The following ETV6 variants were observed in gnomAD, a reference collection of about 807,000 sequenced individuals.
ETV6 encodes ETS variant transcription factor 6.
A neutral mutation model predicts 51.1 loss-of-function variants in ETV6; 16 were observed. That is an observed-to-expected ratio of 0.31 (90% CI 0.21 to 0.48). The LOEUF (loss-of-function observed/expected upper bound fraction) is 0.48, where lower values mean the gene tolerates loss of function less well. ETV6 is among the 20% of genes least tolerant of loss of function. The pLI, the probability that ETV6 is intolerant of heterozygous loss-of-function variation, is 0.99. For missense variants in ETV6, 458 were observed against 594.8 expected (o/e 0.77, Z 2.39); for synonymous variants, 240 against 224.1 (o/e 1.07, Z -0.64).
chr12:11,798,309 C>T (rs1945705362), intron 2 of ETV6, among the ~76,000 whole-genome samples: 2 of 152,080 alleles, frequency 1.3e-5, no homozygotes, highest in African/African-American at 4.8e-5. Context: ...TGGTGGGCAG[C>T]CATTGAAGGA....
intron 1 of ETV6, among the ~76,000 whole-genome samples, chr12:11,698,208 G>A (rs192557373): frequency 3.6e-4 from 55 of 152,292 alleles, no homozygotes; most frequent in Admixed American, 5.9e-4. Flanking sequence ...ATAGAAATAC[G>A]TGTGTATTTT....
intron 2 of ETV6, among the ~76,000 whole-genome samples, chr12:11,827,196 C>T (rs567973390): frequency 2.7e-4 from 41 of 151,884 alleles, no homozygotes; most frequent in African/African-American, 6.5e-4. Context: ...GCGTCAGCAA[C>T]GCTGTTAAAA....
At chr12:11,796,762 TTTTC>T (rs992917452) in intron 2 of ETV6, among the ~76,000 whole-genome samples, 1 of 108,804 alleles carries the variant, frequency 9.2e-6, no homozygotes, top group African/African-American at 3.4e-5. Flanking sequence ...AATTTCTTCC[TTTTC>T]TTTTTTTTTT....
At chr12:11,881,738 T>A (rs1452592355) in intron 5 of ETV6, among the ~76,000 whole-genome samples, 1 of 152,236 alleles carries the variant, frequency 6.6e-6, no homozygotes, top group East Asian at 1.9e-4. Flanking sequence ...GATCTCTATT[T>A]TCCCTTTATA....
intron 2 of ETV6, among the ~76,000 whole-genome samples, chr12:11,821,930 A>G (rs1258570162): frequency 1.3e-5 from 2 of 152,026 alleles, no homozygotes; most frequent in African/African-American, 2.4e-5. Flanking sequence ...TCACGTCCTA[A>G]TCCTACTGAA....
In ETV6 at chr12:11,809,038, G is replaced by A. The variant is rs149303368; in HGVS notation, c.164-30102G>A. 3.9e-5 allele frequency among the ~76,000 whole-genome samples: 6 copies of A among 152,112 alleles called. No individual in the cohort carries two copies. In the East Asian group the frequency reaches 5.8e-4, roughly 15 times the overall value. ...AAATTAGCTGGGTGTGATGGCACGC[G>A]CCTGTAGTCCCAGCTTCTTGGGAGG... On this transcript the variant is annotated intron_variant, in intron 2 of 7. Transcript: ENST00000396373.
chr12:11,761,257 C>T (rs1394081321), intron 2 of ETV6, among the ~76,000 whole-genome samples: 1 of 151,990 alleles, frequency 6.6e-6, no homozygotes, highest in African/African-American at 2.4e-5. Context: ...AAATTACTGA[C>T]AAGAGGGCCC....
chr12:11,743,675 T>C lies in ETV6; in HGVS notation c.34-8775T>C, dbSNP rs904463299. Among the ~76,000 whole-genome samples, 4 of 152,200 alleles carry C rather than the reference T, an allele frequency of 2.6e-5. No homozygotes were observed. The East Asian group carries it at 7.7e-4, about 29-fold the overall frequency. On this transcript the variant is annotated intron_variant, in intron 1 of 7. Transcript: ENST00000396373. ...AAAACCTCAAGTTTCTTATTAGGCA[T>C]GTGTGGTCCATTTAAGCTCTAGACA...
intron 2 of ETV6, among the ~76,000 whole-genome samples, chr12:11,760,552 T>C (rs1945069750): frequency 6.6e-6 from 1 of 152,188 alleles, no homozygotes; most frequent in South Asian, 2.1e-4. Flanking sequence ...ACAATACTTT[T>C]TTAAAAGCAC....
chr12:11,656,220 A>C (rs185223797), intron 1 of ETV6, among the ~76,000 whole-genome samples: 1 of 152,334 alleles, frequency 6.6e-6, no homozygotes, highest in African/African-American at 2.4e-5. Context: ...TGAAGCCCAG[A>C]GAGGTTAAGT....
chr12:11,709,023 G>T (rs569040392), intron 1 of ETV6, among the ~76,000 whole-genome samples: 1 of 152,304 alleles, frequency 6.6e-6, no homozygotes, highest in South Asian at 2.1e-4. Flanking sequence ...GTGGTCAGGG[G>T]AGGCTGCATT....
chr12:11,796,815 C>G (rs1301316943), intron 2 of ETV6, among the ~76,000 whole-genome samples: 2 of 144,268 alleles, frequency 1.4e-5, no homozygotes, highest in Non-Finnish European at 3.0e-5. Flanking sequence ...GACACAGGTT[C>G]TCTCTCTGTC....
chr12:11,725,002 T>C (rs762187314), intron 1 of ETV6, among the ~76,000 whole-genome samples: 3 of 152,120 alleles, frequency 2.0e-5, no homozygotes, highest in Non-Finnish European at 4.4e-5. Flanking sequence ...AAGTGTATAG[T>C]TTTATGACTG....
chr12:11,758,445 C>A (rs552573732), intron 2 of ETV6, among the ~76,000 whole-genome samples: 4 of 152,120 alleles, frequency 2.6e-5, no homozygotes, highest in African/African-American at 9.7e-5. Flanking sequence ...AAAGAAAGGA[C>A]CTAGGGTTCT....
intron 1 of ETV6, among the ~76,000 whole-genome samples, chr12:11,653,852 C>T (rs550205122): frequency 9.2e-5 from 14 of 152,118 alleles, no homozygotes; most frequent in Non-Finnish European, 1.0e-4. Context: ...CTCGCTCTGT[C>T]GCCAGACTGG....
At chr12:11,819,997 T>G (rs995496030) in intron 2 of ETV6, among the ~76,000 whole-genome samples, 11 of 152,232 alleles carry the variant, frequency 7.2e-5, no homozygotes, top group Admixed American at 6.5e-4. Context: ...TCCAAGGCCT[T>G]CCTAATAATA....
intron 2 of ETV6, among the ~76,000 whole-genome samples, chr12:11,765,574 A>G (rs558516609): frequency 4.6e-5 from 7 of 151,948 alleles, no homozygotes; most frequent in Admixed American, 4.6e-4. Context: ...ACTGTATCTT[A>G]TTCACTTCAG....
chr12:11,722,591 C>G (rs1471597158), intron 1 of ETV6, among the ~76,000 whole-genome samples: 1 of 152,162 alleles, frequency 6.6e-6, no homozygotes, highest in Non-Finnish European at 1.5e-5. Context: ...GCCTGTTGTT[C>G]TCTCCTAGGC....
chr12:11,658,804 A>G (rs1864048093), intron 1 of ETV6, among the ~76,000 whole-genome samples: 1 of 152,284 alleles, frequency 6.6e-6, no homozygotes, highest in Non-Finnish European at 1.5e-5. Context: ...ATCTTACAGC[A>G]GAATTTTGAA....
Sources: allele counts gnomAD v4.1 joint callset (sites outside exome capture counted in the v4.1 genomes callset), GRCh38; gene constraint gnomAD v4.1.1; transcripts MANE v1.5; gene names NCBI Gene and HGNC (gene_info 2026-07-23, HGNC 2026-07-21).